The following NOX4 variants were observed in gnomAD, a reference collection of about 807,000 sequenced individuals.
NOX4 encodes the protein kidney oxidase-1.
A neutral mutation model predicts 87.6 loss-of-function variants in NOX4; 69 were observed. The observed-to-expected ratio is 0.79, with a 90% CI of 0.65 to 0.96. The LOEUF (loss-of-function observed/expected upper bound fraction) is 0.96. NOX4 is among the 40% of genes least tolerant of loss of function. The probability of loss-of-function intolerance (pLI) is 0.00; values close to 1 mark genes in which losing one functional copy is unlikely to be tolerated. For missense variants in NOX4, 680 were observed against 681.5 expected, an observed-to-expected ratio of 1.00 and a Z score of 0.02; for synonymous variants, 275 against 238.2, an observed-to-expected ratio of 1.15 and a Z score of -1.42.
chr11:89,542,219 A>C, the NOX4 span, among the ~76,000 whole-genome samples: 1 of 152,240 alleles, frequency 6.6e-6, no homozygotes. Context: ...GAGTTTGTGC[A>C]CAACTGAAGA....
At chr11:89,366,836 A>G (rs2135030627) in intron 12 of NOX4, among the ~76,000 whole-genome samples, 1 of 152,206 alleles carries the variant, frequency 6.6e-6, no homozygotes, top group East Asian at 1.9e-4. Flanking sequence ...TTACTAAGCA[A>G]TTTTTATATT....
intron 2 of NOX4, among the ~76,000 whole-genome samples, chr11:89,479,355 C>T (rs1389294519): frequency 6.6e-6 from 1 of 152,098 alleles, no homozygotes; most frequent in Admixed American, 6.6e-5. Context: ...TCTATGATCA[C>T]ATTAATGAGA....
the NOX4 span, among the ~76,000 whole-genome samples, chr11:89,573,894 C>T: frequency 4.5e-4 from 68 of 152,196 alleles, no homozygotes; most frequent in African/African-American, 1.3e-3. Context: ...GAAGTGAGCA[C>T]GTGCACTGTC....
rs190112442 is a variant in NOX4, at chr11:89,402,186, T to C, written c.846+140A>G. The C allele has an allele frequency of 1.1e-3, 777 of 675,960 alleles. 7 individuals are homozygous for C. In the African/African-American group the frequency reaches 0.012, roughly 11 times the overall value. 41.9% of individuals were successfully genotyped at this position (675,960 alleles called of 1,614,324 possible). On this transcript the variant is annotated intron_variant, in intron 9 of 17. Transcript: ENST00000263317. ...CTCTCAGGTACCTGTAATGGAATAA[T>C]AGGTACTAACTTACTGTTGAAACAT... is the stretch of plus-strand genomic sequence containing the variant.
At chr11:89,363,116 T>A (rs1459064977) in intron 12 of NOX4, among the ~76,000 whole-genome samples, 1 of 152,038 alleles carries the variant, frequency 6.6e-6, no homozygotes, top group Non-Finnish European at 1.5e-5. Context: ...GTGCTAAAGG[T>A]ATGCTCTGAG....
intron 1 of NOX4, chr11:89,490,813 C>G (rs1310539134): frequency 1.4e-6 from 1 of 698,408 alleles, no homozygotes; most frequent in South Asian, 1.5e-5. Flanking sequence ...TATCCCCTGC[C>G]GTACAAAATG....
At chr11:89,460,284 T>C (rs1304474413) in intron 2 of NOX4, among the ~76,000 whole-genome samples, 1 of 152,076 alleles carries the variant, frequency 6.6e-6, no homozygotes. Flanking sequence ...CCAAAAGCAA[T>C]GGCAACAAAA....
chr11:89,512,918 A>C, the NOX4 span, among the ~76,000 whole-genome samples: 1 of 152,172 alleles, frequency 6.6e-6, no homozygotes, highest in Non-Finnish European at 1.5e-5. Context: ...TATGAGTAGC[A>C]TCTAGCAGAG....
chr11:89,373,172 C>T (rs1939572998), intron 12 of NOX4, among the ~76,000 whole-genome samples: 1 of 146,040 alleles, frequency 6.8e-6, no homozygotes, highest in African/African-American at 2.5e-5. Flanking sequence ...TTATGATTTG[C>T]AAGCACACTG....
intron 7 of NOX4, among the ~76,000 whole-genome samples, chr11:89,428,180 G>A (rs1943553538): frequency 6.6e-6 from 1 of 152,136 alleles, no homozygotes; most frequent in South Asian, 2.1e-4. Flanking sequence ...GAGAGATTTT[G>A]GCACCACCAG....
chr11:89,438,817 ATT>A (rs1944270930), intron 6 of NOX4, among the ~76,000 whole-genome samples: 1 of 18,156 alleles, frequency 5.5e-5, no homozygotes, highest in Admixed American at 1.3e-3. Context: ...TATTATATAT[ATT>A]ATATAATATC....
chr11:89,399,039 T>C (rs1941666583), intron 11 of NOX4, among the ~76,000 whole-genome samples: 2 of 151,856 alleles, frequency 1.3e-5, no homozygotes, highest in South Asian at 4.2e-4. Flanking sequence ...GATTGGAAAG[T>C]GGGGAAAAAT....
At chr11:89,455,744 A>ATATATATATATATATATGTG (rs1163284365) in intron 2 of NOX4, among the ~76,000 whole-genome samples, 15 of 146,956 alleles carry the variant, frequency 1.0e-4, no homozygotes, top group African/African-American at 3.9e-4. Context: ...ATATATATAT[A>ATATATATATATATATATGTG]TGAAACAAAA....
the NOX4 span, among the ~76,000 whole-genome samples, chr11:89,582,143 C>T: frequency 6.6e-6 from 1 of 152,136 alleles, no homozygotes; most frequent in African/African-American, 2.4e-5. Flanking sequence ...GCTTATTTCA[C>T]TTAGAATGTC....
At chr11:89,519,508 T>C in the NOX4 span, among the ~76,000 whole-genome samples, 3 of 152,174 alleles carry the variant, frequency 2.0e-5, no homozygotes, top group African/African-American at 7.2e-5. Context: ...GTAAGATCTA[T>C]GAGAATTTTT....
rs182252634 is a variant in NOX4, at chr11:89,461,808, T to C, written c.154-9913A>G. ...TGACCAGTAAAATCCCACTATTACC[T>C]CTTTCAAGTTATGGAAAAATTATTT... On this transcript the variant is annotated intron_variant, in intron 2 of 17. Coordinates refer to ENST00000263317, the MANE Select transcript of NOX4 (RefSeq NM_016931.5). 3.3e-5 allele frequency among the ~76,000 whole-genome samples: 5 copies of C among 152,214 alleles called. No individual in the cohort carries two copies. In the East Asian group the frequency reaches 9.6e-4, roughly 29 times the overall value.
chr11:89,575,939 A>G, the NOX4 span, among the ~76,000 whole-genome samples: 1 of 152,208 alleles, frequency 6.6e-6, no homozygotes, highest in Non-Finnish European at 1.5e-5. Flanking sequence ...TAGAAAAGTG[A>G]TGTTTAATGT....
rs1322159440 is a variant in NOX4, at chr11:89,486,305, A to ATATT, written c.153+4149_153+4152dup. On this transcript the variant is annotated intron_variant, in intron 2 of 17. Transcript: ENST00000263317. Reference sequence around the variant, plus strand: ...TAAATAAATAAATTTATTTATTTAAATATTTATTTATTTATTTAGCTGTGT... The same window carrying ATATT: ...TAAATAAATAAATTTATTTATTTAAATATTTATTTATTTATTTATTTAGCTGTGT... 1.5e-4 allele frequency among the ~76,000 whole-genome samples: 19 copies of ATATT among 127,716 alleles called. No homozygotes were observed. In the East Asian group the frequency reaches 2.8e-3, roughly 19 times the overall value. 83.8% of individuals were successfully genotyped at this position (127,716 alleles called of 152,430 possible).
At chr11:89,463,177 G>A (rs1945546004) in intron 2 of NOX4, among the ~76,000 whole-genome samples, 1 of 151,942 alleles carries the variant, frequency 6.6e-6, no homozygotes, top group East Asian at 1.9e-4. Context: ...TTGAATGCCT[G>A]TCATATAGCA....
Sources: allele counts gnomAD v4.1 joint callset (sites outside exome capture counted in the v4.1 genomes callset), GRCh38; gene constraint gnomAD v4.1.1; transcripts MANE v1.5; gene names NCBI Gene and HGNC (gene_info 2026-07-23, HGNC 2026-07-21).